The following SNX31 variants were observed in gnomAD, a reference collection of about 807,000 sequenced individuals.
SNX31 encodes sorting nexin 31.
A neutral mutation model predicts 65.4 loss-of-function variants in SNX31; 58 were observed. The observed-to-expected ratio is 0.89, with a 90% CI of 0.72 to 1.10. SNX31 has a LOEUF of 1.10. SNX31 is among the 50% of genes least tolerant of loss of function. The pLI is 0.00. For missense variants in SNX31, 523 were observed against 529.7 expected (o/e 0.99, Z 0.12); for synonymous variants, 181 against 190.1 (o/e 0.95, Z 0.39).
At position 100,609,083 on chromosome 8, in the gene SNX31, G is replaced by T. The variant is rs1278238751; in HGVS notation, c.612-520C>A. Among the ~76,000 whole-genome samples the T allele has an allele frequency of 1.3e-5, 2 of 152,236 alleles. No homozygotes were observed. The highest frequency in any genetic ancestry group is 2.9e-5 in the Non-Finnish European group (2 of 68,016). On this transcript the variant is annotated intron_variant, in intron 7 of 13. Transcript: ENST00000311812. The surrounding 1 kb of genome is among the most constrained non-coding windows in gnomAD (Gnocchi z 4.9). ...CTGTGAAACTTTTCAGACTCTCATT[G>T]TTCCTGGAGTTAGATATTTATTCTA... is the stretch of plus-strand genomic sequence containing the variant.
intron 1 of SNX31, among the ~76,000 whole-genome samples, chr8:100,657,071 G>A (rs1391502992): frequency 1.3e-5 from 2 of 152,200 alleles, no homozygotes; most frequent in Non-Finnish European, 2.9e-5. Context: ...GTACCTTACA[G>A]TAAATTAATA....
chr8:100,581,846 G>A (rs1250491753), intron 12 of SNX31, among the ~76,000 whole-genome samples: 2 of 152,068 alleles, frequency 1.3e-5, no homozygotes, highest in Admixed American at 6.6e-5. Context: ...CTTGTGAGGG[G>A]GCCCAGCACT....
chr8:100,613,106 A>G lies in SNX31; in HGVS notation c.433-21T>C. On this transcript the variant is annotated intron_variant, in intron 5 of 13. Transcript: ENST00000311812. The surrounding 1 kb of genome is among the most constrained non-coding windows in gnomAD (Gnocchi z 5.2). ...ACCACCTTTAACCAGAAACAAGCAG[A>G]AAGGGAAAAAGTTAGGTGTGCCCAC... is the stretch of plus-strand genomic sequence containing the variant. The G allele has an allele frequency of 6.2e-7, 1 of 1,606,048 alleles. No homozygotes were observed. Among genetic ancestry groups the G allele is most frequent in the South Asian group, 1.1e-5 (1 of 90,892 alleles).
intron 9 of SNX31, among the ~76,000 whole-genome samples, chr8:100,599,084 G>A (rs1324257418): frequency 6.6e-6 from 1 of 152,140 alleles, no homozygotes; most frequent in Non-Finnish European, 1.5e-5. Context: ...TTACATATCA[G>A]TACATGTAGA....
chr8:100,618,968 A>T (rs1356040275), intron 4 of SNX31: 1 of 152,202 alleles, frequency 6.6e-6, no homozygotes, highest in Non-Finnish European at 1.5e-5. Flanking sequence ...ATCATTGGCC[A>T]CTGGTGACGA....
rs1274516268 is a variant in SNX31, at chr8:100,573,884, A to G, written c.1304T>C (p.Ile435Thr). 6 of 1,575,758 alleles carry G rather than the reference A, an allele frequency of 3.8e-6. No homozygotes were observed. Among genetic ancestry groups the G allele is most frequent in the Non-Finnish European group, 5.2e-6 (6 of 1,161,808 alleles). The change falls in exon 14 of 14, where the codon ATA becomes ACA. Residue 435 changes from isoleucine (I) to threonine (T), a missense_variant. Transcript: ENST00000311812. The stretch of plus-strand genomic sequence containing the variant: ...CTTTCTTCAGAGATCTTCTTCCTTT[A>G]TGTTCCCAAAAACGCAGTCATCTTT... Reference protein sequence around the residue: ...IAKDDCVFGNIKEEDL With the variant: ...IAKDDCVFGNTKEEDL
At chr8:100,618,371 C>T (rs939931495) in intron 4 of SNX31, 20 of 1,531,676 alleles carry the variant, frequency 1.3e-5, no homozygotes, top group Admixed American at 3.9e-5. Flanking sequence ...AGCCCATATC[C>T]CTGATTTTTT....
intron 8 of SNX31, among the ~76,000 whole-genome samples, chr8:100,603,394 G>A (rs1471757683): frequency 6.7e-6 from 1 of 150,016 alleles, no homozygotes; most frequent in Non-Finnish European, 1.5e-5. Context: ...CAGAGATGCA[G>A]ATGTCTTACA....
chr8:100,657,811 C>T, intron 1 of SNX31: 1 of 455,484 alleles, frequency 2.2e-6, no homozygotes, highest in Non-Finnish European at 4.4e-6. Context: ...GCAGAGGTTG[C>T]AGTAAGCCAA....
chr8:100,645,486 G>T (rs1324078757), intron 2 of SNX31, among the ~76,000 whole-genome samples: 4 of 152,062 alleles, frequency 2.6e-5, no homozygotes, highest in Non-Finnish European at 5.9e-5. Context: ...TATGTATCAA[G>T]TGGTGCATGG....
upstream of SNX31, chr8:100,649,743 G>A: frequency 2.2e-6 from 1 of 449,682 alleles, no homozygotes. Flanking sequence ...TCCCGGGATA[G>A]GTGGCGCCTG....
intron 2 of SNX31, among the ~76,000 whole-genome samples, chr8:100,646,448 ACT>A (rs1198019543): frequency 8.5e-5 from 13 of 152,094 alleles, no homozygotes; most frequent in Non-Finnish European, 1.0e-4. Context: ...AAGGTGTCAG[ACT>A]CTCTGTGATT....
chr8:100,622,756 C>T lies in SNX31; in HGVS notation c.322-5026G>A, dbSNP rs1410632149. On this transcript the variant is annotated intron_variant, in intron 4 of 13. Transcript: ENST00000311812. The surrounding 1 kb of genome is among the most constrained non-coding windows in gnomAD (Gnocchi z 5.0). ...GGAGTGTTGATACATGAACTTCCCT[C>T]TCTAGCCCTCGACTGCATACTTATC... Among the ~76,000 whole-genome samples, 2 of 152,164 alleles carry T rather than the reference C, an allele frequency of 1.3e-5. No individual in the cohort carries two copies. The highest frequency in any genetic ancestry group is 2.9e-5 in the Non-Finnish European group (2 of 68,026).
intron 11 of SNX31, among the ~76,000 whole-genome samples, chr8:100,584,438 T>C (rs1410124800): frequency 6.6e-6 from 1 of 152,226 alleles, no homozygotes; most frequent in Non-Finnish European, 1.5e-5. Flanking sequence ...GATCTCACTA[T>C]TAACATTTTT....
upstream of SNX31, among the ~76,000 whole-genome samples, chr8:100,650,912 G>T (rs978992686): frequency 6.6e-6 from 1 of 151,016 alleles, no homozygotes; most frequent in African/African-American, 2.4e-5. Context: ...GAGTGCAATG[G>T]TGCGATCTCA....
intron 3 of SNX31, among the ~76,000 whole-genome samples, chr8:100,631,491 G>T (rs1318057544): frequency 6.8e-6 from 1 of 147,544 alleles, no homozygotes; most frequent in Non-Finnish European, 1.5e-5. Context: ...AGGCTGGGGT[G>T]CAATGGCGTG....
At chr8:100,592,897 T>C (rs1251181948) in intron 10 of SNX31, among the ~76,000 whole-genome samples, 1 of 152,230 alleles carries the variant, frequency 6.6e-6, no homozygotes, top group Non-Finnish European at 1.5e-5. Flanking sequence ...TCCATTAATA[T>C]ACGGGTCGGA....
intron 4 of SNX31, chr8:100,618,411 G>C (rs1817423085): frequency 8.0e-7 from 1 of 1,256,456 alleles, no homozygotes; most frequent in Non-Finnish European, 1.1e-6. Flanking sequence ...GGGGCAGGGG[G>C]AAGGTGTTTC....
At chr8:100,592,445 A>G (rs1814673338) in intron 10 of SNX31, among the ~76,000 whole-genome samples, 1 of 152,220 alleles carries the variant, frequency 6.6e-6, no homozygotes, top group Non-Finnish European at 1.5e-5. Flanking sequence ...ACATCTATCT[A>G]CTAGGTTGGC....
Sources: gnomAD v4.1 joint callset for allele counts (sites outside exome capture counted in the v4.1 genomes callset) on GRCh38, gnomAD v4.1.1 for gene constraint, Gnocchi (gnomAD v3.1) non-coding constraint, MANE v1.5 for transcripts, NCBI Gene and HGNC (gene_info 2026-07-23, HGNC 2026-07-21) for gene names.